CNTN6: variants seen among roughly 807,000 people sequenced by gnomAD.
CNTN6 encodes contactin-6.
CNTN6 carries 137 observed loss-of-function variants against 122.8 expected under a neutral mutation model. The ratio of observed to expected loss-of-function variants is 1.12; its 90% CI spans 0.97 to 1.29. The LOEUF (loss-of-function observed/expected upper bound fraction) is 1.29, where lower values mean the gene tolerates loss of function less well. Ranked by LOEUF, CNTN6 falls within the 50% of genes most tolerant of loss-of-function variation. The pLI, the probability that CNTN6 is intolerant of heterozygous loss-of-function variation, is 0.00. For synonymous variants in CNTN6, 570 were observed against 426.0 expected (o/e 1.34, Z -4.16); for missense variants, 1,634 against 1,223.4 (o/e 1.34, Z -5.01).
chr3:1,112,448 C>G (rs1467636011), intron 1 of CNTN6, among the ~76,000 whole-genome samples: 1 of 152,100 alleles, frequency 6.6e-6, no homozygotes, highest in Non-Finnish European at 1.5e-5. Flanking sequence ...CAGTCCAAAG[C>G]CAAAAACCTG....
At chr3:1,137,377 G>A (rs1256420267) in intron 1 of CNTN6, among the ~76,000 whole-genome samples, 1 of 152,138 alleles carries the variant, frequency 6.6e-6, no homozygotes, top group Non-Finnish European at 1.5e-5. Context: ...GAAGTCAAAT[G>A]TTTATTTTTA....
chr3:1,173,309 T>C, intron 2 of CNTN6: 1 of 456,638 alleles, frequency 2.2e-6, no homozygotes, highest in South Asian at 1.5e-5. Flanking sequence ...ACCTGGCGGT[T>C]TGCAAAGAGG....
intron 11 of CNTN6, among the ~76,000 whole-genome samples, chr3:1,349,301 G>T (rs1499214): frequency 0.38 from 57,114 of 151,310 alleles, 12,466 homozygotes; most frequent in African/African-American, 0.6. Flanking sequence ...TATATGCTTT[G>T]TACTAATCAT....
At chr3:1,397,354 A>G (rs1353688707) in intron 20 of CNTN6, among the ~76,000 whole-genome samples, 2 of 152,178 alleles carry the variant, frequency 1.3e-5, no homozygotes, top group Admixed American at 1.3e-4. Flanking sequence ...TTAAAGATAA[A>G]GAGGAGTTAA....
intron 20 of CNTN6, among the ~76,000 whole-genome samples, chr3:1,390,922 C>A (rs1281442351): frequency 9.3e-5 from 14 of 150,404 alleles, no homozygotes; most frequent in African/African-American, 3.4e-4. Flanking sequence ...CAATAGTTTA[C>A]CAACCAAAAA....
In CNTN6 at chr3:1,403,461, C is replaced by T; in HGVS notation, c.*43C>T. ...CTTTGAGAGTTTTTTGAAAGCAAAT[C>T]ATTCTGTATATATGCTCTCCAGCCT... On this transcript the variant is annotated 3_prime_UTR_variant, in exon 23 of 23. Transcript: ENST00000446702. 7.7e-7 allele frequency: 1 copy of T among 1,293,020 alleles called. No individual in the cohort carries two copies. Among genetic ancestry groups the T allele is most frequent in the Non-Finnish European group, 1.1e-6 (1 of 892,890 alleles). The allele number at this position is 1,293,020 out of a possible 1,614,324, so 80.1% of individuals were successfully genotyped here.
chr3:1,212,012 C>G (rs148906910), intron 2 of CNTN6, among the ~76,000 whole-genome samples: 79 of 152,084 alleles, frequency 5.2e-4, no homozygotes, highest in African/African-American at 1.7e-3. Context: ...ATAAAAAGTT[C>G]TCAGTATTTA....
intron 20 of CNTN6, among the ~76,000 whole-genome samples, chr3:1,395,882 C>A (rs537107480): frequency 6.6e-6 from 1 of 152,242 alleles, no homozygotes; most frequent in Admixed American, 6.5e-5. Flanking sequence ...TAGGAGGACA[C>A]AAATGCTTAG....
At chr3:1,155,360 C>T (rs895607306) in intron 2 of CNTN6, among the ~76,000 whole-genome samples, 3 of 152,040 alleles carry the variant, frequency 2.0e-5, no homozygotes, top group African/African-American at 7.3e-5. Flanking sequence ...AAAATAAGAC[C>T]CCAAGACTGC....
intron 2 of CNTN6, among the ~76,000 whole-genome samples, chr3:1,199,175 CTTT>C (rs58536354): frequency 2.4e-5 from 3 of 124,170 alleles, no homozygotes; most frequent in Admixed American, 1.7e-4. Context: ...ACAATATATG[CTTT>C]TTTTTTTTTT....
At chr3:1,397,339 C>G (rs1274109591) in intron 20 of CNTN6, among the ~76,000 whole-genome samples, 1 of 151,928 alleles carries the variant, frequency 6.6e-6, no homozygotes, top group Non-Finnish European at 1.5e-5. Context: ...TATTTTGATA[C>G]AAAATTAAAG....
At chr3:1,291,380 G>T (rs772586372) in intron 5 of CNTN6, among the ~76,000 whole-genome samples, 7 of 152,138 alleles carry the variant, frequency 4.6e-5, no homozygotes, top group Non-Finnish European at 1.0e-4. Context: ...ATTCACCAGG[G>T]GAGAGAGGAA....
chr3:1,336,864 G>C (rs1703150684), intron 11 of CNTN6, among the ~76,000 whole-genome samples: 1 of 152,036 alleles, frequency 6.6e-6, no homozygotes, highest in Non-Finnish European at 1.5e-5. Flanking sequence ...TCCATTGTGG[G>C]AAAACTACAC....
At chr3:1,387,729 G>A (rs568520410) in intron 20 of CNTN6, among the ~76,000 whole-genome samples, 18 of 152,318 alleles carry the variant, frequency 1.2e-4, no homozygotes, top group South Asian at 2.1e-4. Context: ...CCGAAGCAGG[G>A]CGAGGCATTG....
intron 5 of CNTN6, 26 bp downstream of exon 5, chr3:1,278,534 T>G: frequency 6.6e-7 from 1 of 1,503,884 alleles, no homozygotes; most frequent in Non-Finnish European, 9.2e-7. Context: ...TTGGGTCATA[T>G]CATCAATGCG....
At chr3:1,386,896 C>G (rs1693065758) in intron 20 of CNTN6, among the ~76,000 whole-genome samples, 1 of 151,770 alleles carries the variant, frequency 6.6e-6, no homozygotes, top group Non-Finnish European at 1.5e-5. Context: ...AAGTTATTCC[C>G]CTTATGCGTA....
chr3:1,259,902 AT>A (rs1434383413), intron 4 of CNTN6, among the ~76,000 whole-genome samples: 1 of 152,158 alleles, frequency 6.6e-6, no homozygotes, highest in Non-Finnish European at 1.5e-5. Flanking sequence ...TATATTAGTC[AT>A]TTTTATTTAG....
intron 7 of CNTN6, among the ~76,000 whole-genome samples, chr3:1,304,270 A>G (rs1697948529): frequency 7.3e-6 from 1 of 136,474 alleles, no homozygotes; most frequent in Non-Finnish European, 1.6e-5. Flanking sequence ...CAATTGTTCA[A>G]GTTCCAGAAA....
At chr3:1,251,839 T>C (rs115202633) in intron 4 of CNTN6, among the ~76,000 whole-genome samples, 1 of 152,126 alleles carries the variant, frequency 6.6e-6, no homozygotes, top group Non-Finnish European at 1.5e-5. Flanking sequence ...GACCCTTTAA[T>C]ATAATTTATG....
Sources: gnomAD v4.1 joint callset for allele counts (sites outside exome capture counted in the v4.1 genomes callset) on GRCh38, gnomAD v4.1.1 for gene constraint, MANE v1.5 for transcripts, NCBI Gene and HGNC (gene_info 2026-07-23, HGNC 2026-07-21) for gene names.